Variants in MAPK10 observed in about 807,000 individuals in gnomAD.
MAPK10 encodes mitogen-activated protein kinase 10, also known as JNK3 alpha protein kinase.
A neutral mutation model predicts 59.3 loss-of-function variants in MAPK10; 25 were observed. The ratio of observed to expected loss-of-function variants is 0.42; its 90% CI spans 0.31 to 0.59. The LOEUF is 0.59. Ranked by LOEUF, MAPK10 falls within the 20% of genes least tolerant of loss-of-function variation. MAPK10 has a pLI of 0.15. For missense variants in MAPK10, 351 were observed against 568.9 expected (o/e 0.62, Z 3.90); for synonymous variants, 190 against 200.5 (o/e 0.95, Z 0.44).
chr4:86,248,189 A>G (rs1244723793), intron 2 of MAPK10, among the ~76,000 whole-genome samples: 1 of 152,216 alleles, frequency 6.6e-6, no homozygotes, highest in Non-Finnish European at 1.5e-5. Context: ...TTTGACAGCC[A>G]TATAATTTCT....
At chr4:86,145,984 G>T (rs1389429638) in intron 4 of MAPK10, among the ~76,000 whole-genome samples, 1 of 152,174 alleles carries the variant, frequency 6.6e-6, no homozygotes, top group Admixed American at 6.5e-5. Context: ...GGAAAATACA[G>T]TTGAAAAACT....
intron 1 of MAPK10, among the ~76,000 whole-genome samples, chr4:86,526,092 T>C (rs908182115): frequency 4.6e-5 from 7 of 152,186 alleles, no homozygotes; most frequent in African/African-American, 9.7e-5. Context: ...CAGAGTAAGA[T>C]AGGAAGAGTC....
At chr4:86,305,836 A>G (rs968108810) in intron 2 of MAPK10, among the ~76,000 whole-genome samples, 2 of 152,122 alleles carry the variant, frequency 1.3e-5, no homozygotes, top group African/African-American at 4.8e-5. Context: ...AAAAAAAAAA[A>G]ATCAAAACAG....
chr4:86,361,520 C>G (rs1020533347), upstream of MAPK10, among the ~76,000 whole-genome samples: 1 of 152,138 alleles, frequency 6.6e-6, no homozygotes, highest in Non-Finnish European at 1.5e-5. Flanking sequence ...GTTCCCCAAT[C>G]CCATGGAAAT....
chr4:86,130,626 G>A (rs1219121082), intron 4 of MAPK10, among the ~76,000 whole-genome samples: 2 of 152,164 alleles, frequency 1.3e-5, no homozygotes, highest in East Asian at 3.9e-4. Context: ...AGCAGGGAAA[G>A]TAGATTAAAG....
At chr4:86,403,504 CAG>C (rs1309664355) in intron 1 of MAPK10, among the ~76,000 whole-genome samples, 1 of 152,094 alleles carries the variant, frequency 6.6e-6, no homozygotes, top group South Asian at 2.1e-4. Context: ...GCCTGGGCAA[CAG>C]AGAGAGAGTC....
intron 2 of MAPK10, among the ~76,000 whole-genome samples, chr4:86,316,833 G>T (rs1027820999): frequency 6.6e-6 from 1 of 152,064 alleles, no homozygotes; most frequent in Non-Finnish European, 1.5e-5. Context: ...CCATCCTAAC[G>T]GCATTAGCGG....
intron 2 of MAPK10, among the ~76,000 whole-genome samples, chr4:86,313,683 A>C (rs750785022): frequency 6.6e-6 from 1 of 152,154 alleles, no homozygotes; most frequent in Non-Finnish European, 1.5e-5. Context: ...CAACCAGAAT[A>C]ATAACTAACA....
At chr4:86,403,504 C>T (rs1368294079) in intron 1 of MAPK10, among the ~76,000 whole-genome samples, 2 of 151,976 alleles carry the variant, frequency 1.3e-5, no homozygotes, top group Non-Finnish European at 2.9e-5. Context: ...GCCTGGGCAA[C>T]AGAGAGAGAG....
chr4:86,208,783 A>G (rs530746930), intron 2 of MAPK10, among the ~76,000 whole-genome samples: 8 of 152,260 alleles, frequency 5.3e-5, no homozygotes, highest in African/African-American at 1.9e-4. Context: ...TCAATTAGGA[A>G]AAGAGGAAGT....
chr4:86,285,378 A>G (rs1392647016), intron 2 of MAPK10, among the ~76,000 whole-genome samples: 1 of 151,868 alleles, frequency 6.6e-6, no homozygotes, highest in African/African-American at 2.4e-5. Context: ...CACCATGCCC[A>G]GCTAATTTTT....
chr4:86,397,323 T>G (rs1743071775), intron 1 of MAPK10, among the ~76,000 whole-genome samples: 1 of 152,070 alleles, frequency 6.6e-6, no homozygotes, highest in East Asian at 1.9e-4. Flanking sequence ...TATTGTTACC[T>G]TTATCAATTT....
chr4:86,398,232 AAAAAAGAAAAG>A (rs1224468313), intron 1 of MAPK10, among the ~76,000 whole-genome samples: 2 of 152,046 alleles, frequency 1.3e-5, no homozygotes, highest in African/African-American at 2.4e-5. Context: ...CAAACAAAAA[AAAAAAGAAAAG>A]AAAAGAAAAG....
intron 1 of MAPK10, among the ~76,000 whole-genome samples, chr4:86,475,312 C>T (rs998103295): frequency 6.6e-6 from 1 of 152,170 alleles, no homozygotes; most frequent in African/African-American, 2.4e-5. Flanking sequence ...TGAGAAAGAT[C>T]TACCTACGAC....
intron 1 of MAPK10, among the ~76,000 whole-genome samples, chr4:86,548,480 C>T (rs1480273912): frequency 6.6e-6 from 1 of 152,142 alleles, no homozygotes; most frequent in Non-Finnish European, 1.5e-5. Context: ...TCTCTGTCCC[C>T]ACTAAATTTC....
chr4:86,077,058 C>G (rs2049643525), intron 9 of MAPK10, among the ~76,000 whole-genome samples: 1 of 152,036 alleles, frequency 6.6e-6, no homozygotes, highest in South Asian at 2.1e-4. Context: ...AATTATTTGA[C>G]AGTAAATCAC....
chr4:86,273,408 C>T (rs1455082529), intron 2 of MAPK10, among the ~76,000 whole-genome samples: 3 of 151,940 alleles, frequency 2.0e-5, no homozygotes, highest in Non-Finnish European at 4.4e-5. Context: ...TAATAGTAAA[C>T]ATGTTTCATT....
chr4:86,573,770 T>C (rs1761646692), intron 1 of MAPK10, among the ~76,000 whole-genome samples: 1 of 152,216 alleles, frequency 6.6e-6, no homozygotes, highest in Non-Finnish European at 1.5e-5. Context: ...ACCAATGTTT[T>C]ATAGTTTTCA....
At chr4:86,106,902 T>TC (rs1428694413) in intron 5 of MAPK10, 3 of 163,594 alleles carry the variant, frequency 1.8e-5, no homozygotes, top group African/African-American at 7.2e-5. Flanking sequence ...GTTTTTTTTT[T>TC]CTGGCTTTTG....
Sources: gnomAD v4.1 joint callset for allele counts (sites outside exome capture counted in the v4.1 genomes callset) on GRCh38, gnomAD v4.1.1 for gene constraint, MANE v1.5 for transcripts, NCBI Gene and HGNC (gene_info 2026-07-23, HGNC 2026-07-21) for gene names.